Variants in NALF1 observed in about 807,000 individuals in gnomAD.
The protein encoded by NALF1 is family with sequence similarity 155 member A.
In NALF1, 3 loss-of-function variants were observed where a neutral mutation model predicts 48.4. That is an observed-to-expected ratio of 0.06 (90% CI 0.03 to 0.16). NALF1 has a LOEUF of 0.16. NALF1 is among the 10% of genes least tolerant of loss of function. The pLI is 1.00. For missense variants in NALF1, 526 were observed against 571.5 expected (o/e 0.92, Z 0.81); for synonymous variants, 262 against 245.7 (o/e 1.07, Z -0.62).
intron 2 of NALF1, among the ~76,000 whole-genome samples, chr13:107,209,813 T>C (rs1879722770): frequency 6.6e-6 from 1 of 152,152 alleles, no homozygotes. Flanking sequence ...ATAGCATTAT[T>C]GTTATAGAAG....
chr13:107,387,094 G>T (rs528373080), intron 1 of NALF1, among the ~76,000 whole-genome samples: 1 of 152,278 alleles, frequency 6.6e-6, no homozygotes, highest in East Asian at 1.9e-4. Flanking sequence ...ACTATGATGG[G>T]TAGATGCATC....
chr13:107,546,480 T>C (rs1441960713), intron 1 of NALF1, among the ~76,000 whole-genome samples: 5 of 152,220 alleles, frequency 3.3e-5, no homozygotes, highest in Non-Finnish European at 7.3e-5. Context: ...TCAGCTCTCC[T>C]AAATACTGCA....
intron 1 of NALF1, among the ~76,000 whole-genome samples, chr13:107,540,780 G>A (rs1048302794): frequency 6.6e-6 from 1 of 152,072 alleles, no homozygotes; most frequent in African/African-American, 2.4e-5. Flanking sequence ...TATGTATGTG[G>A]TGATGTATAC....
At chr13:107,429,371 A>G (rs1174296067) in intron 1 of NALF1, among the ~76,000 whole-genome samples, 1 of 152,066 alleles carries the variant, frequency 6.6e-6, no homozygotes, top group Non-Finnish European at 1.5e-5. Flanking sequence ...CCATGTGTTT[A>G]TTATGCTGAC....
intron 1 of NALF1, among the ~76,000 whole-genome samples, chr13:107,835,201 C>A (rs1245442343): frequency 6.6e-6 from 1 of 152,152 alleles, no homozygotes; most frequent in Non-Finnish European, 1.5e-5. Flanking sequence ...GTACCAGGAG[C>A]CTAGAAGAGC....
Position 107,410,272 on chromosome 13 carries a change from C to G in NALF1, c.916-199517G>C, listed in dbSNP as rs912180551. On this transcript the variant is annotated intron_variant, in intron 1 of 2. Transcript: ENST00000375915. ...TTTCTCTCCATTCCACACCTTTTCCCCTGGGCTTTCAGAAGGCCACACCCT... is the reference window on the plus strand; with the variant it reads ...TTTCTCTCCATTCCACACCTTTTCCGCTGGGCTTTCAGAAGGCCACACCCT... 4.6e-5 allele frequency among the ~76,000 whole-genome samples: 7 copies of G among 152,200 alleles called. No homozygotes were observed. The East Asian group carries it at 1.4e-3, about 29-fold the overall frequency.
Position 107,541,641 on chromosome 13 carries a change from T to C in NALF1, c.915+324041A>G, listed in dbSNP as rs902512558. On this transcript the variant is annotated intron_variant, in intron 1 of 2. Coordinates refer to ENST00000375915, the MANE Select transcript of NALF1 (RefSeq NM_001080396.3). ...TTCAGTTTTATTTTTATTTTGGTGA[T>C]ATATGTGTGTGTGTGCAGGTGTCTG... Among the ~76,000 whole-genome samples the C allele has an allele frequency of 2.0e-5, 3 of 152,110 alleles. 1 individual carries two copies. The highest frequency in any genetic ancestry group is 4.1e-4 in the South Asian group (2 of 4,832).
At chr13:107,749,323 G>A (rs1876869865) in intron 1 of NALF1, among the ~76,000 whole-genome samples, 1 of 152,032 alleles carries the variant, frequency 6.6e-6, no homozygotes, top group Admixed American at 6.6e-5. Flanking sequence ...AAAATCCGCT[G>A]CCAAGTTCAC....
At chr13:107,248,591 T>C (rs72666515) in intron 1 of NALF1, among the ~76,000 whole-genome samples, 18,188 of 147,856 alleles carry the variant, frequency 0.12, 1,479 homozygotes, top group East Asian at 0.4. Context: ...AGTAGCCACA[T>C]GTGGCTTTTT....
intron 1 of NALF1, among the ~76,000 whole-genome samples, chr13:107,481,140 A>C (rs1186980515): frequency 2.0e-5 from 3 of 152,154 alleles, no homozygotes; most frequent in Non-Finnish European, 4.4e-5. Context: ...AATTACTTTT[A>C]AACTGCTTTG....
At chr13:107,357,700 T>A (rs1882987716) in intron 1 of NALF1, among the ~76,000 whole-genome samples, 1 of 152,174 alleles carries the variant, frequency 6.6e-6, no homozygotes, top group South Asian at 2.1e-4. Context: ...CAGGACTTCA[T>A]TCACTCATAA....
intron 1 of NALF1, among the ~76,000 whole-genome samples, chr13:107,546,736 T>C (rs1877146362): frequency 6.6e-6 from 1 of 152,168 alleles, no homozygotes; most frequent in Non-Finnish European, 1.5e-5. Context: ...TCAGTAAAAT[T>C]ACCTTTTAGG....
chr13:107,256,018 A>T (rs1378736084), intron 1 of NALF1, among the ~76,000 whole-genome samples: 1 of 152,202 alleles, frequency 6.6e-6, no homozygotes, highest in Admixed American at 6.5e-5. Context: ...CAGTACCAAA[A>T]TATGCTTACT....
rs1053116915 is a variant in NALF1 at position 107,168,376 on chromosome 13, C to T, written c.*2121G>A. The T allele has an allele frequency of 3.3e-5, 5 of 152,166 alleles. No individual in the cohort carries two copies. Among genetic ancestry groups the T allele is most frequent in the Non-Finnish European group, 7.3e-5 (5 of 68,058 alleles). 9.4% of individuals were successfully genotyped at this position (152,166 alleles called of 1,614,324 possible). A position where few individuals can be genotyped will look rare whatever the true frequency, so the allele number is the denominator to read the frequency against. ...TTCCATGCAATTAATGTGTCTCCCCCGAGCCATTCACTTCCTCAGCTTGTG... is the reference window on the plus strand; with the variant it reads ...TTCCATGCAATTAATGTGTCTCCCCTGAGCCATTCACTTCCTCAGCTTGTG... On this transcript the variant is annotated 3_prime_UTR_variant, in exon 3 of 3. Coordinates refer to ENST00000375915, the MANE Select transcript of NALF1 (RefSeq NM_001080396.3).
chr13:107,733,107 T>C (rs564621191), intron 1 of NALF1, among the ~76,000 whole-genome samples: 61 of 151,760 alleles, frequency 4.0e-4, no homozygotes, highest in African/African-American at 1.4e-3. Context: ...CCTGTAAATA[T>C]ATCGGACATT....
At chr13:107,282,052 T>G (rs567243806) in intron 1 of NALF1, among the ~76,000 whole-genome samples, 1 of 152,164 alleles carries the variant, frequency 6.6e-6, no homozygotes, top group African/African-American at 2.4e-5. Flanking sequence ...CAGTCTGCAT[T>G]GATGGTGTTG....
At chr13:107,370,326 C>T (rs1474594177) in intron 1 of NALF1, among the ~76,000 whole-genome samples, 1 of 152,188 alleles carries the variant, frequency 6.6e-6, no homozygotes, top group Non-Finnish European at 1.5e-5. Flanking sequence ...GCTTTCTTCA[C>T]TTGGAAAGAT....
At chr13:107,416,960 C>A (rs1186488109) in intron 1 of NALF1, among the ~76,000 whole-genome samples, 1 of 152,184 alleles carries the variant, frequency 6.6e-6, no homozygotes, top group Non-Finnish European at 1.5e-5. Flanking sequence ...TTGACTTCCC[C>A]TCTCCAGTGA....
In NALF1 at chr13:107,521,113, A is replaced by G. The variant is rs142851703; in HGVS notation, c.916-310358T>C. On this transcript the variant is annotated intron_variant, in intron 1 of 2. Transcript: ENST00000375915. ...TCACACAGCATGACTAGAAGGCCCC[A>G]AACTCACTGGATAAAATGCCTGCAT... is the stretch of plus-strand genomic sequence containing the variant. Among the ~76,000 whole-genome samples the G allele has an allele frequency of 2.6e-3, 398 of 152,338 alleles. 1 individual carries two copies. Among genetic ancestry groups the G allele is most frequent in the African/African-American group, 9.1e-3 (379 of 41,574 alleles).
Sources: gnomAD v4.1 joint callset for allele counts (sites outside exome capture counted in the v4.1 genomes callset) on GRCh38, gnomAD v4.1.1 for gene constraint, MANE v1.5 for transcripts, NCBI Gene and HGNC (gene_info 2026-07-23, HGNC 2026-07-21) for gene names.